CDKL2: variants seen among roughly 807,000 people sequenced by gnomAD.
CDKL2 encodes the protein cyclin-dependent kinase-like 2.
CDKL2 carries 64 observed loss-of-function variants against 63.9 expected under a neutral mutation model. The ratio of observed to expected loss-of-function variants is 1.00; its 90% confidence interval spans 0.82 to 1.23. The LOEUF (loss-of-function observed/expected upper bound fraction) is 1.23. Ranked by LOEUF, CDKL2 falls within the 50% of genes most tolerant of loss-of-function variation. CDKL2 has a pLI of 0.00. For missense variants in CDKL2, 656 were observed against 668.0 expected, an observed-to-expected ratio of 0.98 and a Z score of 0.20; for synonymous variants, 211 against 229.2, an observed-to-expected ratio of 0.92 and a Z score of 0.72.
chr4:75,617,407 C>G (rs1729976501), intron 2 of CDKL2, among the ~76,000 whole-genome samples: 1 of 152,134 alleles, frequency 6.6e-6, no homozygotes, highest in Non-Finnish European at 1.5e-5. Context: ...TATTATCCTG[C>G]TTTATAGCTG....
intron 12 of CDKL2, among the ~76,000 whole-genome samples, chr4:75,585,276 G>T (rs887678513): frequency 3.9e-5 from 6 of 152,090 alleles, no homozygotes; most frequent in Non-Finnish European, 5.9e-5. Context: ...TAATAATAGA[G>T]ATTTAAAATA....
chr4:75,607,833 G>GA (rs1331450870), intron 3 of CDKL2, among the ~76,000 whole-genome samples: 1 of 152,188 alleles, frequency 6.6e-6, no homozygotes, highest in Non-Finnish European at 1.5e-5. Flanking sequence ...TTTTTTTTGA[G>GA]ACGGAGTCTC....
intron 3 of CDKL2, among the ~76,000 whole-genome samples, chr4:75,613,680 CAG>C (rs1286232816): frequency 1.3e-5 from 2 of 152,218 alleles, no homozygotes; most frequent in African/African-American, 2.4e-5. Flanking sequence ...AACAAATACA[CAG>C]ACCCTTGGGT....
At chr4:75,603,744 T>TAAAA in intron 6 of CDKL2, 73 bp downstream of exon 6, 2 of 608,084 alleles carry the variant, frequency 3.3e-6, no homozygotes, top group South Asian at 2.7e-5. Flanking sequence ...ACTAGACAAG[T>TAAAA]AAAAAAAAAA....
chr4:75,585,592 C>T (rs1728442169), intron 12 of CDKL2, among the ~76,000 whole-genome samples: 1 of 151,680 alleles, frequency 6.6e-6, no homozygotes, highest in Non-Finnish European at 1.5e-5. Flanking sequence ...GACCCCATTT[C>T]TAAAAAAATA....
At chr4:75,580,453 C>G (rs1449426564) in intron 13 of CDKL2, among the ~76,000 whole-genome samples, 1 of 151,688 alleles carries the variant, frequency 6.6e-6, no homozygotes, top group Non-Finnish European at 1.5e-5. Flanking sequence ...ATCATTTGAG[C>G]TCAGGAGTTT....
intron 7 of CDKL2, among the ~76,000 whole-genome samples, chr4:75,599,034 T>G (rs1290564452): frequency 6.6e-6 from 1 of 152,130 alleles, no homozygotes; most frequent in Non-Finnish European, 1.5e-5. Flanking sequence ...TCACAAAACT[T>G]TTATGAGATA....
chr4:75,597,067 C>A lies in CDKL2; in HGVS notation c.1190G>T (p.Cys397Phe). 1 of 1,614,200 alleles carries A rather than the reference C, an allele frequency of 6.2e-7. No individual in the cohort carries two copies. The highest frequency in any genetic ancestry group is 8.5e-7 in the Non-Finnish European group (1 of 1,180,040). ...KIVPSTSLKD[C>F]SNVSVDHTRN... is the part of the protein sequence containing the mutation. ...TGTGTGGTCCACGCTGACATTGCTG[C>A]AGTCTTTGAGGCTTGTTGAAGGCAC... Residue 397 changes from cysteine to phenylalanine, a missense_variant, in exon 9 of 14, where the codon TGC becomes TTC. Physicochemically the swap from Cys to Phe is radical, Grantham distance 205. Coordinates refer to ENST00000307465, the MANE Select transcript of CDKL2 (RefSeq NM_001330724.2).
intron 3 of CDKL2, among the ~76,000 whole-genome samples, chr4:75,611,686 T>C (rs1225564246): frequency 6.7e-6 from 1 of 150,058 alleles, no homozygotes; most frequent in Non-Finnish European, 1.5e-5. Context: ...TGGAGTTTCG[T>C]TCTTGTTGCC....
At chr4:75,628,573 T>G (rs1730540484) in intron 1 of CDKL2, among the ~76,000 whole-genome samples, 1 of 152,202 alleles carries the variant, frequency 6.6e-6, no homozygotes, top group African/African-American at 2.4e-5. Context: ...AGATAGATTT[T>G]AACTATCTAT....
chr4:75,582,604 A>T (rs1219401651), intron 12 of CDKL2, among the ~76,000 whole-genome samples: 1 of 152,150 alleles, frequency 6.6e-6, no homozygotes, highest in Non-Finnish European at 1.5e-5. Context: ...GTGAGAGATT[A>T]TGGCAGAAAA....
Position 75,614,319 on chromosome 4 carries a change from T to C in CDKL2, c.299A>G (p.Tyr100Cys). The change falls in exon 3 of 14, where the codon TAC becomes TGC. Residue 100 changes from tyrosine (Y) to cysteine (C), a missense_variant. Tyr to Cys is a radical substitution (Grantham distance 194). Transcript: ENST00000307465. ...AAACAAATACTTTTGAACTACTTGG[T>C]AGTCTAGTCCATTTGGAAAGAGCTC... ...DLELFPNGLDYQVVQKYLFQI... is the reference protein window; with the variant it reads ...DLELFPNGLDCQVVQKYLFQI... The C allele has an allele frequency of 6.2e-7, 1 of 1,611,566 alleles. No homozygotes were observed. The highest frequency in any genetic ancestry group is 1.1e-5 in the South Asian group (1 of 90,240).
At chr4:75,607,445 T>C (rs1729470859) in intron 3 of CDKL2, 84 bp from the exon 4 acceptor site, 1 of 1,043,230 alleles carries the variant, frequency 9.6e-7, no homozygotes, top group East Asian at 2.5e-5. Flanking sequence ...TTGTATGTTG[T>C]CCCTATAAAG....
chr4:75,586,858 T>TACAAA (rs748217554), intron 12 of CDKL2, among the ~76,000 whole-genome samples: 5 of 151,952 alleles, frequency 3.3e-5, no homozygotes, highest in African/African-American at 1.2e-4. Flanking sequence ...ATGCTTACAT[T>TACAAA]ACAAAACAAA....
At chr4:75,592,407 T>A (rs562784406) in intron 10 of CDKL2, 138 bp from the exon 11 acceptor site, 81 of 599,388 alleles carry the variant, frequency 1.4e-4, no homozygotes, top group Non-Finnish European at 1.8e-4. Flanking sequence ...AGGACATTAA[T>A]AATACAAAAA....
At chr4:75,594,540 G>A (rs568450994) in intron 10 of CDKL2, among the ~76,000 whole-genome samples, 3 of 152,126 alleles carry the variant, frequency 2.0e-5, no homozygotes, top group South Asian at 2.1e-4. Flanking sequence ...GGAATCTTAC[G>A]TTCTAGCTGG....
chr4:75,605,346 T>C (rs1729376104), intron 5 of CDKL2, among the ~76,000 whole-genome samples, 176 bp downstream of exon 5: 1 of 140,580 alleles, frequency 7.1e-6, no homozygotes, highest in East Asian at 1.9e-4. Context: ...AGAGCGAAAC[T>C]CCATCTCAAA....
At chr4:75,621,642 C>G (rs894829664) in intron 2 of CDKL2, among the ~76,000 whole-genome samples, 1 of 151,848 alleles carries the variant, frequency 6.6e-6, no homozygotes, top group Non-Finnish European at 1.5e-5. Context: ...CTCAAGTGAT[C>G]CTCCCACCTC....
Position 75,619,577 on chromosome 4 carries a change from T to TAAAA in CDKL2, c.169-5132_169-5129dup, listed in dbSNP as rs71203836. Among the ~76,000 whole-genome samples the TAAAA allele has an allele frequency of 9.4e-3, 734 of 77,864 alleles. 29 individuals carry two copies. Among genetic ancestry groups the TAAAA allele is most frequent in the African/African-American group, 0.016 (371 of 23,016 alleles). The allele number at this position is 77,864 out of a possible 152,430, so 51.1% of individuals were successfully genotyped here. On this transcript the variant is annotated intron_variant, in intron 2 of 13. Coordinates refer to ENST00000307465, the MANE Select transcript of CDKL2 (RefSeq NM_001330724.2). ...ACATGGTGATGGGCTCACAGCTGTA[T>TAAAA]AAAAAAAAAAAAAAAAAAAAAAAAA...
Sources: gnomAD v4.1 joint callset for allele counts (sites outside exome capture counted in the v4.1 genomes callset) on GRCh38, gnomAD v4.1.1 for gene constraint, MANE v1.5 for transcripts, NCBI Gene and HGNC (gene_info 2026-07-23, HGNC 2026-07-21) for gene names.